The following BNC2 variants were observed in gnomAD, a reference collection of about 807,000 sequenced individuals.
BNC2 encodes basonuclin zinc finger protein 2.
Under a neutral mutation model 76.3 loss-of-function variants are expected in BNC2, and 20 were observed. That is an observed-to-expected ratio of 0.26 (90% CI 0.18 to 0.38). The LOEUF (loss-of-function observed/expected upper bound fraction) is 0.38. Among genes scored for constraint, BNC2 ranks in the 10% least tolerant of loss-of-function variants. BNC2 has a pLI of 1.00. For missense variants in BNC2, 1,382 were observed against 1,399.8 expected (o/e 0.99, Z 0.20); for synonymous variants, 582 against 514.8 (o/e 1.13, Z -1.77).
intron 1 of BNC2, chr9:16,867,270 A>AT (rs1819565027): frequency 1.3e-5 from 2 of 152,210 alleles, no homozygotes; most frequent in Non-Finnish European, 2.9e-5. Flanking sequence ...ATATAAAACA[A>AT]AGATGCTAAT....
chr9:16,721,729 G>GA (rs1336771083), intron 3 of BNC2, among the ~76,000 whole-genome samples: 1 of 152,122 alleles, frequency 6.6e-6, no homozygotes, highest in East Asian at 1.9e-4. Flanking sequence ...GAATCCCACA[G>GA]AAAATTTCTC....
chr9:16,657,091 T>C (rs1480113796), intron 3 of BNC2, among the ~76,000 whole-genome samples: 1 of 151,870 alleles, frequency 6.6e-6, no homozygotes, highest in Admixed American at 6.6e-5. Context: ...CCGAGAGAGC[T>C]CCATACAAAT....
intron 3 of BNC2, among the ~76,000 whole-genome samples, chr9:16,614,803 T>C (rs974221744): frequency 2.6e-5 from 4 of 151,208 alleles, no homozygotes; most frequent in South Asian, 2.1e-4. Context: ...AAAATAAAAA[T>C]AAAATAGCTG....
chr9:16,436,924 A>G lies in BNC2; in HGVS notation c.1270T>C (p.Phe424Leu). The change falls in exon 6 of 7, where the codon TTC becomes CTC. Residue 424 changes from phenylalanine (F) to leucine (L), a missense_variant. Physicochemically the swap from Phe to Leu is conservative, Grantham distance 22 (BLOSUM62 0). Coordinates refer to ENST00000380672, the MANE Select transcript of BNC2 (RefSeq NM_017637.6). ...ATCCTTCTCATCCGATGAATCCGGA[A>G]TGAGCTTTTTGGGTGTTCAGTTTTG... ...LTKTEHPKSS[F>L]RIHRMRRMGS... The G allele has an allele frequency of 1.9e-6, 3 of 1,613,986 alleles. No individual in the cohort carries two copies. Among genetic ancestry groups the G allele is most frequent in the Admixed American group, 1.7e-5 (1 of 59,980 alleles).
At chr9:16,793,965 G>A (rs887681309) in intron 1 of BNC2, among the ~76,000 whole-genome samples, 1 of 147,722 alleles carries the variant, frequency 6.8e-6, no homozygotes, top group South Asian at 2.2e-4. Context: ...GCCTCCCAAA[G>A]TGCTGGGATT....
At chr9:16,743,080 T>C (rs962626837) in intron 1 of BNC2, among the ~76,000 whole-genome samples, 2 of 152,202 alleles carry the variant, frequency 1.3e-5, no homozygotes, top group Non-Finnish European at 2.9e-5. Context: ...TTTTCTCTTG[T>C]GTATAGATTC....
At chr9:16,709,336 C>T (rs1823768032) in intron 3 of BNC2, among the ~76,000 whole-genome samples, 1 of 152,200 alleles carries the variant, frequency 6.6e-6, no homozygotes, top group Non-Finnish European at 1.5e-5. Flanking sequence ...CAGCAACCCA[C>T]GCTGCCATCG....
chr9:16,851,289 C>G (rs528555314), intron 1 of BNC2, among the ~76,000 whole-genome samples: 1 of 152,044 alleles, frequency 6.6e-6, no homozygotes, highest in East Asian at 1.9e-4. Flanking sequence ...AGGAGGATTG[C>G]TTGATCCCAG....
chr9:16,753,571 G>T (rs1289032151), intron 1 of BNC2, among the ~76,000 whole-genome samples: 1 of 152,144 alleles, frequency 6.6e-6, no homozygotes, highest in Admixed American at 6.5e-5. Flanking sequence ...CAAATTGTAT[G>T]GCAAGGGGTA....
chr9:16,864,543 T>A (rs1819493644), intron 1 of BNC2, among the ~76,000 whole-genome samples: 2 of 152,188 alleles, frequency 1.3e-5, no homozygotes. Context: ...CTCCTTGGCC[T>A]GTTAAGCAAA....
intron 3 of BNC2, among the ~76,000 whole-genome samples, chr9:16,692,170 T>C (rs1305314675): frequency 6.6e-6 from 1 of 152,226 alleles, no homozygotes; most frequent in Non-Finnish European, 1.5e-5. Flanking sequence ...TTTGCAATCA[T>C]TCTTGTAATA....
chr9:16,549,988 C>G (rs1384434849), intron 5 of BNC2, among the ~76,000 whole-genome samples: 2 of 151,646 alleles, frequency 1.3e-5, no homozygotes, highest in African/African-American at 4.8e-5. Flanking sequence ...CTGTCAAAAT[C>G]TATATTAAAA....
intron 5 of BNC2, among the ~76,000 whole-genome samples, chr9:16,514,347 G>T (rs892059565): frequency 6.6e-6 from 1 of 152,208 alleles, no homozygotes; most frequent in Non-Finnish European, 1.5e-5. Context: ...CCCCTGACTG[G>T]TCTGAGTGGC....
chr9:16,829,322 T>C (rs1186285791), intron 1 of BNC2, among the ~76,000 whole-genome samples: 2 of 152,222 alleles, frequency 1.3e-5, no homozygotes, highest in Non-Finnish European at 2.9e-5. Flanking sequence ...TCCTGGCCCC[T>C]ACTCACCCTT....
intron 5 of BNC2, among the ~76,000 whole-genome samples, chr9:16,459,759 G>GA (rs2131209217): frequency 6.6e-6 from 1 of 152,164 alleles, no homozygotes; most frequent in East Asian, 1.9e-4. Context: ...TAGTCTAGTG[G>GA]AAAGTTGGGG....
intron 3 of BNC2, among the ~76,000 whole-genome samples, chr9:16,632,875 C>G (rs1275338897): frequency 6.6e-6 from 1 of 152,118 alleles, no homozygotes; most frequent in East Asian, 1.9e-4. Flanking sequence ...AAGCAATACT[C>G]TTAGGGAAAA....
chr9:16,792,783 T>C (rs1180346111), intron 1 of BNC2, among the ~76,000 whole-genome samples: 5 of 152,224 alleles, frequency 3.3e-5, no homozygotes, highest in African/African-American at 7.2e-5. Flanking sequence ...TTCATTGACA[T>C]TTTCAGTAAC....
chr9:16,601,689 T>C (rs1254196335), intron 3 of BNC2, among the ~76,000 whole-genome samples: 2 of 78,506 alleles, frequency 2.5e-5, no homozygotes, highest in African/African-American at 1.0e-4. Flanking sequence ...CTATCCATTT[T>C]CATTTTAAAT....
chr9:16,567,120 G>A (rs930598916), intron 4 of BNC2, among the ~76,000 whole-genome samples: 9 of 152,098 alleles, frequency 5.9e-5, no homozygotes, highest in African/African-American at 2.2e-4. Context: ...ATTTTGATAA[G>A]ATCTATAGTT....
Sources: allele counts gnomAD v4.1 joint callset (sites outside exome capture counted in the v4.1 genomes callset), GRCh38; gene constraint gnomAD v4.1.1; transcripts MANE v1.5; gene names NCBI Gene and HGNC (gene_info 2026-07-23, HGNC 2026-07-21).